Variants in TMEM8B observed in about 807,000 individuals in gnomAD.
The protein encoded by TMEM8B is transmembrane protein 8B.
In TMEM8B, 29 loss-of-function variants were observed where a neutral mutation model predicts 49.3. That is an observed-to-expected ratio of 0.59 (90% CI 0.44 to 0.80). TMEM8B has a LOEUF of 0.80. Among genes scored for constraint, TMEM8B ranks in the 30% least tolerant of loss-of-function variants. The probability of loss-of-function intolerance (pLI) is 0.00; values close to 1 mark genes in which losing one functional copy is unlikely to be tolerated. For missense variants in TMEM8B, 575 were observed against 658.5 expected (o/e 0.87, Z 1.39); for synonymous variants, 264 against 272.8 (o/e 0.97, Z 0.32).
In TMEM8B at chr9:35,844,466, A is replaced by G. The variant is rs1453990885; in HGVS notation, c.1636-1509A>G. Reference sequence around the variant, plus strand: ...GCAGGGACCGCTTTCCCATCAGCCAACCTGAGGCCTGGTCTGTGGCTTCAT... The same window carrying G: ...GCAGGGACCGCTTTCCCATCAGCCAGCCTGAGGCCTGGTCTGTGGCTTCAT... On this transcript the variant is annotated intron_variant, in intron 6 of 12. Transcript: ENST00000643932. Among the ~76,000 whole-genome samples the G allele has an allele frequency of 3.3e-5, 5 of 152,278 alleles. No homozygotes were observed. In the East Asian group the frequency reaches 7.7e-4, roughly 23 times the overall value.
chr9:35,841,692 CTGG>C lies in TMEM8B; in HGVS notation c.1208_1210del (p.Leu403_Ala404delinsPro). On this transcript the variant is annotated inframe_deletion, in exon 5 of 13. Coordinates refer to ENST00000643932, the MANE Select transcript of TMEM8B (RefSeq NM_001042590.4). This position sits in a 1 kb window ranked among gnomAD's most constrained non-coding sequence, Gnocchi z 5.9. ...AGGTGCCTCAGGATGCCAGCTGGAG[CTGG>C]CACTGCCCCCCTGGGGGCACTGGGT... The C allele has an allele frequency of 2.4e-6, 1 of 415,906 alleles. No individual in the cohort carries two copies. Among genetic ancestry groups the C allele is most frequent in the East Asian group, 3.6e-5 (1 of 28,076 alleles). 25.8% of individuals were successfully genotyped at this position (415,906 alleles called of 1,614,324 possible). A position where few individuals can be genotyped will look rare whatever the true frequency, so the allele number is the denominator to read the frequency against.
In TMEM8B at chr9:35,858,482, A is replaced by G. The variant is rs1440760018; in HGVS notation, c.*4642A>G. The G allele has an allele frequency of 6.6e-6, 1 of 152,144 alleles. No homozygotes were observed. Among genetic ancestry groups the G allele is most frequent in the Non-Finnish European group, 1.5e-5 (1 of 68,050 alleles). The allele number at this position is 152,144 out of a possible 1,614,324, so 9.4% of individuals were successfully genotyped here. On this transcript the variant is annotated 3_prime_UTR_variant, in exon 13 of 13. Coordinates refer to ENST00000643932, the MANE Select transcript of TMEM8B (RefSeq NM_001042590.4). ...AGTTTGGTTGACTCAGTATAAAGCT[A>G]CCACACGTGAGCTAACCAGAGCTTT... is the stretch of plus-strand genomic sequence containing the variant.
In TMEM8B at chr9:35,860,634, C is replaced by T. The variant is rs1193451208; in HGVS notation, c.*6794C>T. 8.1e-6 allele frequency: 1 copy of T among 123,724 alleles called. No individual in the cohort carries two copies. Among genetic ancestry groups the T allele is most frequent in the African/African-American group, 2.7e-5 (1 of 36,410 alleles). 7.7% of individuals were successfully genotyped at this position (123,724 alleles called of 1,614,324 possible). On this transcript the variant is annotated 3_prime_UTR_variant, in exon 13 of 13. Transcript: ENST00000643932. ...GTGTAAGCTTGATTTCTGGTCATCT[C>T]TCCTTAAGGAATCATGGACCATTCA...
chr9:35,840,851 G>A (rs1830915493), intron 3 of TMEM8B, among the ~76,000 whole-genome samples: 1 of 152,154 alleles, frequency 6.6e-6, no homozygotes, highest in African/African-American at 2.4e-5. Context: ...GGGAGAAGGG[G>A]CAAGCCAGGC....
At chr9:35,836,371 T>A (rs1320300756) in intron 3 of TMEM8B, among the ~76,000 whole-genome samples, 2 of 152,232 alleles carry the variant, frequency 1.3e-5, no homozygotes, top group Non-Finnish European at 2.9e-5. Context: ...GTTCTTCTGT[T>A]AGAAGGAATG....
chr9:35,844,539 G>C (rs1831331315), intron 6 of TMEM8B, among the ~76,000 whole-genome samples: 1 of 152,234 alleles, frequency 6.6e-6, no homozygotes, highest in Non-Finnish European at 1.5e-5. Flanking sequence ...CGTCCTGTTA[G>C]AGCCATTTAT....
rs761621688 is a variant in TMEM8B, at chr9:35,842,303, C to T, written c.1310-89C>T. 2.6e-5 allele frequency: 28 copies of T among 1,059,166 alleles called. No individual in the cohort carries two copies. The highest frequency in any genetic ancestry group is 3.9e-5 in the South Asian group (2 of 51,548). The allele number at this position is 1,059,166 out of a possible 1,614,324, so 65.6% of individuals were successfully genotyped here. A position where few individuals can be genotyped will look rare whatever the true frequency, so the allele number is the denominator to read the frequency against. ...AGTTCTCATCCTTCCCCACTCTTTG[C>T]GAAATCCTGTCTAGCTCAGATGTGT... On this transcript the variant is annotated intron_variant, in intron 5 of 12. Coordinates refer to ENST00000643932, the MANE Select transcript of TMEM8B (RefSeq NM_001042590.4). This position sits in a 1 kb window ranked among gnomAD's most constrained non-coding sequence, Gnocchi z 5.6.
At chr9:35,834,311 T>C (rs1167934387) in intron 1 of TMEM8B, 150 bp from the exon 2 acceptor site, 1 of 397,290 alleles carries the variant, frequency 2.5e-6, no homozygotes, top group Non-Finnish European at 4.4e-6. Context: ...GATGGCTAGG[T>C]TTCAGATCTG....
intron 1 of TMEM8B, among the ~76,000 whole-genome samples, chr9:35,831,192 C>T (rs988038118): frequency 6.6e-6 from 1 of 152,136 alleles, no homozygotes; most frequent in Admixed American, 6.5e-5. Flanking sequence ...TGTGGGGAGG[C>T]TGGCAGCATG....
At position 35,842,791 on chromosome 9, in the gene TMEM8B, G is replaced by T. The variant is rs1221151190; in HGVS notation, c.1635+74G>T. 1 of 1,456,210 alleles carries T rather than the reference G, an allele frequency of 6.9e-7. No individual in the cohort carries two copies. Among genetic ancestry groups the T allele is most frequent in the African/African-American group, 1.4e-5 (1 of 70,636 alleles). The allele number at this position is 1,456,210 out of a possible 1,614,324, so 90.2% of individuals were successfully genotyped here. On this transcript the variant is annotated intron_variant, in intron 6 of 12. Coordinates refer to ENST00000643932, the MANE Select transcript of TMEM8B (RefSeq NM_001042590.4). The surrounding 1 kb of genome is among the most constrained non-coding windows in gnomAD (Gnocchi z 5.6). ...GGGAAGGTGTCAGGGGTGTTGGGGT[G>T]TTTACCTCCTCCAGGAAGCCTGTCC...
In TMEM8B at chr9:35,846,046, T is replaced by C; in HGVS notation, c.1707T>C (p.Asp569=). 6.2e-7 allele frequency: 1 copy of C among 1,610,754 alleles called. No homozygotes were observed. The highest frequency in any genetic ancestry group is 8.5e-7 in the Non-Finnish European group (1 of 1,179,460). The part of the protein sequence containing the change: ...LTHEVPLSLG[D]AAVTCSKESL... Reference sequence around the variant, plus strand: ...ACGAGGTGCCCTTGAGCCTGGGGGATGCAGCAGTGACCTGTTCCAAAGGTG... The same window carrying C: ...ACGAGGTGCCCTTGAGCCTGGGGGACGCAGCAGTGACCTGTTCCAAAGGTG... The change falls in exon 7 of 13, where the codon GAT becomes GAC. Residue 569 remains aspartate, a synonymous_variant. Coordinates refer to ENST00000643932, the MANE Select transcript of TMEM8B (RefSeq NM_001042590.4).
intron 10 of TMEM8B, 21 bp from the exon 11 acceptor site, chr9:35,852,806 G>C: frequency 6.2e-7 from 1 of 1,613,920 alleles, no homozygotes; most frequent in South Asian, 1.1e-5. Context: ...TTCTCTCAAT[G>C]CCTGTCATTT....
At chr9:35,839,228 C>G (rs141227119) in intron 3 of TMEM8B, among the ~76,000 whole-genome samples, 164 of 152,344 alleles carry the variant, frequency 1.1e-3, no homozygotes, top group African/African-American at 3.2e-3. Flanking sequence ...ATCTACCATG[C>G]CTTAGACTCC....
intron 10 of TMEM8B, among the ~76,000 whole-genome samples, chr9:35,850,164 G>A (rs867792964): frequency 6.0e-4 from 91 of 152,148 alleles, no homozygotes; most frequent in South Asian, 2.1e-4. Context: ...GATTAACTAC[G>A]TTTGCGTTTA....
chr9:35,841,504 C>T lies in TMEM8B; in HGVS notation c.1041-22C>T. 5 of 416,940 alleles carry T rather than the reference C, an allele frequency of 1.2e-5. No homozygotes were observed. The highest frequency in any genetic ancestry group is 2.2e-5 in the Non-Finnish European group (5 of 227,520). 25.8% of individuals were successfully genotyped at this position (416,940 alleles called of 1,614,324 possible). A position where few individuals can be genotyped will look rare whatever the true frequency, so the allele number is the denominator to read the frequency against. On this transcript the variant is annotated intron_variant, in intron 4 of 12. Transcript: ENST00000643932. The surrounding 1 kb of genome is among the most constrained non-coding windows in gnomAD (Gnocchi z 5.9). ...CTCGCCTCTGTTTGTGCCTTCTTAC[C>T]CCCAACCTCTCCTCTGCCCAGGGTC...
At position 35,841,501 on chromosome 9, in the gene TMEM8B, T is replaced by C. The variant is rs1044311021; in HGVS notation, c.1041-25T>C. 7.2e-6 allele frequency: 3 copies of C among 416,684 alleles called. No individual in the cohort carries two copies. Among genetic ancestry groups the C allele is most frequent in the Non-Finnish European group, 1.3e-5 (3 of 227,484 alleles). The allele number at this position is 416,684 out of a possible 1,614,324, so 25.8% of individuals were successfully genotyped here. A position where few individuals can be genotyped will look rare whatever the true frequency, so the allele number is the denominator to read the frequency against. On this transcript the variant is annotated intron_variant, in intron 4 of 12. Transcript: ENST00000643932. This position sits in a 1 kb window ranked among gnomAD's most constrained non-coding sequence, Gnocchi z 5.9. ...CCTCTCGCCTCTGTTTGTGCCTTCT[T>C]ACCCCCAACCTCTCCTCTGCCCAGG...
At position 35,853,678 on chromosome 9, in the gene TMEM8B, C is replaced by T. The variant is rs1832366924; in HGVS notation, c.2613C>T (p.Gly871=). 11 of 1,614,200 alleles carry T rather than the reference C, an allele frequency of 6.8e-6. No homozygotes were observed. Among genetic ancestry groups the T allele is most frequent in the Non-Finnish European group, 9.3e-6 (11 of 1,180,032 alleles). ...IHSIWHMLIA[G]SVGFLLPPRA... ...GCATTTGGCATATGCTCATTGCGGG[C>T]AGTGTGGGCTTCCTGCTGCCCCCTC... Residue 871 remains glycine, a synonymous_variant, in exon 13 of 13, where the codon GGC becomes GGT. Coordinates refer to ENST00000643932, the MANE Select transcript of TMEM8B (RefSeq NM_001042590.4). The surrounding 1 kb of genome is among the most constrained non-coding windows in gnomAD (Gnocchi z 4.2).
At chr9:35,835,926 A>G (rs912456659) in intron 3 of TMEM8B, among the ~76,000 whole-genome samples, 1 of 152,176 alleles carries the variant, frequency 6.6e-6, no homozygotes, top group African/African-American at 2.4e-5. Context: ...TGCCACTCTC[A>G]TGGATTAGGC....
chr9:35,831,420 G>A (rs1829882039), intron 1 of TMEM8B, among the ~76,000 whole-genome samples: 1 of 152,176 alleles, frequency 6.6e-6, no homozygotes, highest in African/African-American at 2.4e-5. Context: ...CCAAGGGTGA[G>A]GGCAGTGTTG....
Sources: gnomAD v4.1 joint callset for allele counts (sites outside exome capture counted in the v4.1 genomes callset) on GRCh38, gnomAD v4.1.1 for gene constraint, Gnocchi (gnomAD v3.1) non-coding constraint, MANE v1.5 for transcripts, NCBI Gene and HGNC (gene_info 2026-07-23, HGNC 2026-07-21) for gene names.